TTN: variants seen among roughly 807,000 people sequenced by gnomAD.
The protein encoded by TTN is titin, also known as connectin.
In TTN, 1,525 loss-of-function variants were observed where a neutral mutation model predicts 3,223.0. The ratio of observed to expected loss-of-function variants is 0.47; its 90% CI spans 0.45 to 0.49. The LOEUF (loss-of-function observed/expected upper bound fraction) is 0.49. TTN is among the 20% of genes least tolerant of loss of function. The pLI is 0.00. For synonymous variants in TTN, 14,094 were observed against 15,161.0 expected, an observed-to-expected ratio of 0.93 and a Z score of 5.17; for missense variants, 40,786 against 43,424.0, an observed-to-expected ratio of 0.94 and a Z score of 5.40.
At chr2:178,804,040 A>T (rs1306420531) in intron 2 of TTN, among the ~76,000 whole-genome samples, 1 of 152,240 alleles carries the variant, frequency 6.6e-6, no homozygotes, top group African/African-American at 2.4e-5. Context: ...AAAGATTGAA[A>T]ATAAAATAAT....
chr2:178,739,567 C>A lies in TTN; in HGVS notation c.13666G>T (p.Val4556Phe), dbSNP rs761296772. The change falls in exon 48 of 363, where the codon GTT becomes TTT. Residue 4556 changes from valine to phenylalanine, a missense_variant. Transcript: ENST00000589042. ...TCGTCAGAGACAACAGCTGAAGCAA[C>A]CCCTTTAGTGACAGGTGTGGCATCC... ...YLDATPVTKG[V>F]ASAVVSDEKQ... 24 of 1,613,720 alleles carry A rather than the reference C, an allele frequency of 1.5e-5. No homozygotes were observed. The Admixed American group carries it at 3.5e-4, about 24-fold the overall frequency.
Position 178,589,190 on chromosome 2 carries a change from C to T in TTN, c.62535G>A (p.Thr20845=), listed in dbSNP as rs377275061. 3.4e-5 allele frequency: 55 copies of T among 1,613,336 alleles called. No homozygotes were observed. The highest frequency in any genetic ancestry group is 4.1e-5 in the Non-Finnish European group (48 of 1,179,622). The change falls in exon 304 of 363, where the codon ACG becomes ACA. Residue 20845 remains threonine (T), a synonymous_variant. Coordinates refer to ENST00000589042, the MANE Select transcript of TTN (RefSeq NM_001267550.2). ...KRSDGGKYVV[T]ATNTAGSFVA... ...CAAAACTGCCAGCCGTGTTAGTTGCCGTAACTACATATTTACCCCCATCAC... is the reference window on the plus strand; with the variant it reads ...CAAAACTGCCAGCCGTGTTAGTTGCTGTAACTACATATTTACCCCCATCAC...
At chr2:178,622,104 C>T (rs765515851) in intron 243 of TTN, 96 bp from the exon 244 acceptor site, 11 of 1,171,282 alleles carry the variant, frequency 9.4e-6, no homozygotes, top group Non-Finnish European at 1.3e-5. Context: ...CTGAAAGCAA[C>T]CAACAAGACT....
Position 178,778,854 on chromosome 2 carries a change from C to G in TTN, c.4208+20G>C, listed in dbSNP as rs375997259. 6.2e-7 allele frequency: 1 copy of G among 1,613,516 alleles called. No individual in the cohort carries two copies. Among genetic ancestry groups the G allele is most frequent in the Non-Finnish European group, 8.5e-7 (1 of 1,179,758 alleles). On this transcript the variant is annotated intron_variant, in intron 24 of 362. Transcript: ENST00000589042. The stretch of plus-strand genomic sequence containing the variant: ...AAAACAATTTACATACTAAATAACC[C>G]AAATTATTACAAGTCTTACCTGATT...
chr2:178,768,922 T>C lies in TTN; in HGVS notation c.8914A>G (p.Thr2972Ala). The change falls in exon 38 of 363, where the codon ACT becomes GCT. Residue 2972 changes from threonine to alanine, a missense_variant. Physicochemically the swap from Thr to Ala is moderately conservative, Grantham distance 58 (BLOSUM62 0). Coordinates refer to ENST00000589042, the MANE Select transcript of TTN (RefSeq NM_001267550.2). Reference sequence around the variant, plus strand: ...GCGTTGATGTCTTTCAGCATGGAAGTAATCATGATTGCTGCAAAGGAGAAA... The same window carrying C: ...GCGTTGATGTCTTTCAGCATGGAAGCAATCATGATTGCTGCAAAGGAGAAA... ...ATLTVTPIMI[T>A]SMLKDINAEE... 3 of 1,613,836 alleles carry C rather than the reference T, an allele frequency of 1.9e-6. No individual in the cohort carries two copies. The highest frequency in any genetic ancestry group is 2.5e-6 in the Non-Finnish European group (3 of 1,179,996).
Position 178,633,657 on chromosome 2 carries a change from AG to A in TTN, c.42701del (p.Thr14234MetfsTer2). 1 of 1,612,894 alleles carries A rather than the reference AG, an allele frequency of 6.2e-7. No individual in the cohort carries two copies. The highest frequency in any genetic ancestry group is 1.1e-5 in the South Asian group (1 of 91,032). On this transcript the variant is annotated frameshift_variant, in exon 232 of 363. Transcript: ENST00000589042. LOFTEE classifies it high-confidence loss of function. ...CTGCAGTTTTGTCATGTAATTTCAC[AG>A]TGAAGTAGGGATCGGCCTCTGTAAA... ...LKVLEADPYF[T>X]VKLHDKTAVE...
chr2:178,739,624 A>T lies in TTN; in HGVS notation c.13609T>A (p.Tyr4537Asn). ...KYLISTEEVS[Y>N]FNVQSRVKYL... ...TTAACCCTACTTTGCACGTTAAAATAACTGACCTCTTCAGTTGAGATCAGA... is the reference window on the plus strand; with the variant it reads ...TTAACCCTACTTTGCACGTTAAAATTACTGACCTCTTCAGTTGAGATCAGA... The change falls in exon 48 of 363, where the codon TAT (tyrosine) becomes AAT (asparagine). Residue 4537 changes from tyrosine to asparagine, a missense_variant. By Grantham distance (143) the Tyr-to-Asn change is moderately radical. Coordinates refer to ENST00000589042, the MANE Select transcript of TTN (RefSeq NM_001267550.2). 1 of 1,613,894 alleles carries T rather than the reference A, an allele frequency of 6.2e-7. No individual in the cohort carries two copies. The highest frequency in any genetic ancestry group is 8.5e-7 in the Non-Finnish European group (1 of 1,179,846).
chr2:178,730,987 T>C lies in TTN; in HGVS notation c.17678A>G (p.Tyr5893Cys). ...AACATCATTTTGGACCTCGAAAGTA[T>C]ATTCTCCACTATCTTTCTTTTCTGT... is the stretch of plus-strand genomic sequence containing the variant. ...ISTEKKDSGE[Y>C]TFEVQNDVGR... The change falls in exon 60 of 363, where the codon TAT (tyrosine) becomes TGT (cysteine). Residue 5893 changes from tyrosine (Y) to cysteine (C), a missense_variant. Physicochemically the swap from Tyr to Cys is radical, Grantham distance 194 (BLOSUM62 -2). Coordinates refer to ENST00000589042, the MANE Select transcript of TTN (RefSeq NM_001267550.2). 1 of 1,613,430 alleles carries C rather than the reference T, an allele frequency of 6.2e-7. No individual in the cohort carries two copies. The highest frequency in any genetic ancestry group is 1.3e-5 in the African/African-American group (1 of 75,004).
chr2:178,565,242 T>G lies in TTN; in HGVS notation c.80890A>C (p.Asn26964His). ...ATNSAGTATE[N>H]LSVIVLEKPG... The stretch of plus-strand genomic sequence containing the variant: ...TTTTCTAAAACGATAACACTGAGAT[T>G]TTCTGTTGCTGTGCCTGCACTATTT... The change falls in exon 326 of 363, where the codon AAT (asparagine) becomes CAT (histidine). Residue 26964 changes from asparagine to histidine, a missense_variant. Coordinates refer to ENST00000589042, the MANE Select transcript of TTN (RefSeq NM_001267550.2). 1 of 1,613,538 alleles carries G rather than the reference T, an allele frequency of 6.2e-7. No individual in the cohort carries two copies. Among genetic ancestry groups the G allele is most frequent in the Non-Finnish European group, 8.5e-7 (1 of 1,179,674 alleles).
intron 40 of TTN, among the ~76,000 whole-genome samples, chr2:178,766,984 GAAT>G (rs1227740284): frequency 5.3e-5 from 8 of 152,096 alleles, no homozygotes; most frequent in Admixed American, 5.2e-4. Flanking sequence ...CATTTTATAT[GAAT>G]AATAACTTTG....
chr2:178,746,847 A>C (rs1299024828), intron 47 of TTN: 1 of 1,613,370 alleles, frequency 6.2e-7, no homozygotes, highest in Non-Finnish European at 8.5e-7. Flanking sequence ...GGTTCAATAA[A>C]AGATGGAGGC....
At chr2:178,786,910 C>T (rs754809911) in intron 13 of TTN, among the ~76,000 whole-genome samples, 39 of 152,184 alleles carry the variant, frequency 2.6e-4, no homozygotes, top group Non-Finnish European at 2.9e-4. Flanking sequence ...ATTATTTTCT[C>T]GTTTCTGAGT....
Position 178,593,935 on chromosome 2 carries a change from TATTCTTTCCACTAA to T in TTN, c.58432+12_58432+25del, listed in dbSNP as rs1263145975. ...TCTGCTTTTGAAAGAACAGAAGATC[TATTCTTTCCACTAA>T]ATAAGACTTACCAACAACATTAACT... On this transcript the variant is annotated intron_variant, in intron 297 of 362. Coordinates refer to ENST00000589042, the MANE Select transcript of TTN (RefSeq NM_001267550.2). 6.2e-7 allele frequency: 1 copy of T among 1,610,974 alleles called. No individual in the cohort carries two copies. Among genetic ancestry groups the T allele is most frequent in the East Asian group, 2.2e-5 (1 of 44,736 alleles).
Position 178,592,423 on chromosome 2 carries a change from T to C in TTN, c.59582A>G (p.Asn19861Ser). The C allele has an allele frequency of 6.2e-7, 1 of 1,613,440 alleles. No homozygotes were observed. ...DGGIYSLTVE[N>S]PAGSKTVSVK... ...TGAGACAGTTTTTGAACCAGCTGGA[T>C]TCTCCACTGTTAAAGAATAAATTCC... The change falls in exon 301 of 363, where the codon AAT becomes AGT. Residue 19861 changes from asparagine to serine, a missense_variant. Coordinates refer to ENST00000589042, the MANE Select transcript of TTN (RefSeq NM_001267550.2).
intron 291 of TTN, 42 bp from the exon 292 acceptor site, chr2:178,598,696 A>C: frequency 1.2e-6 from 2 of 1,601,846 alleles, no homozygotes; most frequent in Non-Finnish European, 1.7e-6. Context: ...GACTTTTCCA[A>C]GGCACTTTTG....
rs751354316 is a variant in TTN, at chr2:178,621,093, C to T, written c.45616+9G>A. 21 of 1,610,754 alleles carry T rather than the reference C, an allele frequency of 1.3e-5. No homozygotes were observed. The highest frequency in any genetic ancestry group is 1.6e-5 in the Non-Finnish European group (19 of 1,178,802). ...AAACAAAAAACCCTAAAAGCAAGAACAAACTTACCAATGACTGTCAAGTGA... is the reference window on the plus strand; with the variant it reads ...AAACAAAAAACCCTAAAAGCAAGAATAAACTTACCAATGACTGTCAAGTGA... On this transcript the variant is annotated intron_variant, in intron 246 of 362. Transcript: ENST00000589042.
intron 50 of TTN, 87 bp downstream of exon 50, chr2:178,735,424 G>A: frequency 1.6e-6 from 2 of 1,243,388 alleles, no homozygotes; most frequent in South Asian, 3.3e-5. Flanking sequence ...ATAACAAAGT[G>A]TACTGACTGA....
chr2:178,804,766 T>C, intron 1 of TTN, 111 bp from the exon 2 acceptor site: 4 of 950,244 alleles, frequency 4.2e-6, no homozygotes, highest in Non-Finnish European at 6.6e-6. Flanking sequence ...CCATAGGTCA[T>C]CTGTGGGCCT....
chr2:178,563,826 G>A lies in TTN; in HGVS notation c.82306C>T (p.Pro27436Ser). The part of the protein sequence containing the change: ...ALNYKVTKLL[P>S]GNEYIFRVMA... ...ACACGGAAAATGTACTCATTACCAG[G>A]AAGAAGTTTAGTAACTTTGTAGTTA... is the stretch of plus-strand genomic sequence containing the variant. The change falls in exon 326 of 363, where the codon CCT becomes TCT. Residue 27436 changes from proline (P) to serine (S), a missense_variant. Physicochemically the swap from Pro to Ser is moderately conservative, Grantham distance 74. Coordinates refer to ENST00000589042, the MANE Select transcript of TTN (RefSeq NM_001267550.2). The surrounding 1 kb of genome is among the most constrained non-coding windows in gnomAD (Gnocchi z 4.5). 1.2e-6 allele frequency: 2 copies of A among 1,613,698 alleles called. No individual in the cohort carries two copies. The highest frequency in any genetic ancestry group is 4.5e-5 in the East Asian group (2 of 44,828).
Sources: gnomAD v4.1 joint callset for allele counts (sites outside exome capture counted in the v4.1 genomes callset) on GRCh38, gnomAD v4.1.1 for gene constraint, Gnocchi (gnomAD v3.1) non-coding constraint, MANE v1.5 for transcripts, NCBI Gene and HGNC (gene_info 2026-07-23, HGNC 2026-07-21) for gene names.